KLRG1: variants seen among roughly 807,000 people sequenced by gnomAD.
The protein encoded by KLRG1 is killer cell lectin like receptor G1.
In KLRG1, 16 loss-of-function variants were observed where a neutral mutation model predicts 21.8. That is an observed-to-expected ratio of 0.73 (90% CI 0.50 to 1.11). The LOEUF is 1.11. KLRG1 is among the 50% of genes most tolerant of loss of function. The pLI, the probability that KLRG1 is intolerant of heterozygous loss-of-function variation, is 0.00. For missense variants in KLRG1, 173 were observed against 218.3 expected, an observed-to-expected ratio of 0.79 and a Z score of 1.31; for synonymous variants, 69 against 75.9, an observed-to-expected ratio of 0.91 and a Z score of 0.47.
At chr12:9,076,787 G>C in the KLRG1 span, 1 of 1,613,796 alleles carries the variant, frequency 6.2e-7, no homozygotes. Context: ...TAAGTGACTT[G>C]AGTACTTCCT....
At chr12:9,149,674 T>A in the KLRG1 span, 1 of 1,496,420 alleles carries the variant, frequency 6.7e-7, no homozygotes, top group Non-Finnish European at 9.2e-7. Flanking sequence ...ATCTGTCTAG[T>A]CACTTTACTA....
At chr12:8,957,080 C>G (rs776670436) in intron 1 of KLRG1, among the ~76,000 whole-genome samples, 2 of 152,306 alleles carry the variant, frequency 1.3e-5, no homozygotes, top group South Asian at 2.1e-4. Flanking sequence ...CTGTGGAACA[C>G]CACCAAAAAA....
chr12:9,181,345 G>C, the KLRG1 span, among the ~76,000 whole-genome samples: 1 of 152,152 alleles, frequency 6.6e-6, no homozygotes, highest in Non-Finnish European at 1.5e-5. Context: ...AACAACTCTA[G>C]AGACATAAAT....
At position 8,974,695 on chromosome 12, in the gene KLRG1, T is replaced by G. The variant is rs1592248686; in HGVS notation, c.-155-17511T>G. ...CATTGATTTGCTAGTGTTGAATCAT[T>G]CTTACAATCCAGGGATAAATTCCAC... is the stretch of plus-strand genomic sequence containing the variant. On this transcript the variant is annotated intron_variant, in intron 1 of 4. Coordinates refer to the KLRG1 transcript ENST00000539240. 3.3e-5 allele frequency among the ~76,000 whole-genome samples: 5 copies of G among 152,298 alleles called. No individual in the cohort carries two copies. In the East Asian group the frequency reaches 9.6e-4, roughly 29 times the overall value.
chr12:8,960,355 G>A (rs765329060), intron 1 of KLRG1, among the ~76,000 whole-genome samples: 9 of 152,202 alleles, frequency 5.9e-5, no homozygotes, highest in Non-Finnish European at 8.8e-5. Context: ...GATAACTACA[G>A]AGGAATCCTC....
the KLRG1 span, chr12:9,077,709 C>T: frequency 6.2e-7 from 1 of 1,613,986 alleles, no homozygotes; most frequent in Non-Finnish European, 8.5e-7. Flanking sequence ...ACCTTTATGG[C>T]ATTGTTGAGC....
chr12:8,950,863 G>A (rs1275687995), intron 1 of KLRG1, among the ~76,000 whole-genome samples: 1 of 151,960 alleles, frequency 6.6e-6, no homozygotes, highest in Non-Finnish European at 1.5e-5. Flanking sequence ...AAGTAACACC[G>A]TGGGTCCCAA....
chr12:9,108,404 G>A, the KLRG1 span, among the ~76,000 whole-genome samples: 2 of 152,172 alleles, frequency 1.3e-5, no homozygotes, highest in African/African-American at 4.8e-5. Flanking sequence ...GGGATTACAG[G>A]CGTGAGCCAC....
chr12:9,196,687 T>A, the KLRG1 span: 1 of 1,590,570 alleles, frequency 6.3e-7, no homozygotes, highest in Admixed American at 1.7e-5. Flanking sequence ...GCTGTTAAGC[T>A]GAGAAAAATA....
chr12:9,192,004 T>G, the KLRG1 span, among the ~76,000 whole-genome samples: 1 of 152,062 alleles, frequency 6.6e-6, no homozygotes, highest in Non-Finnish European at 1.5e-5. Flanking sequence ...TGATACAGAG[T>G]AGACAATCAC....
intron 1 of KLRG1, among the ~76,000 whole-genome samples, chr12:8,967,329 A>G (rs1372836528): frequency 6.6e-6 from 1 of 152,044 alleles, no homozygotes; most frequent in Non-Finnish European, 1.5e-5. Flanking sequence ...AAAACTTTAT[A>G]CTTTAAGTTT....
downstream of KLRG1, among the ~76,000 whole-genome samples, chr12:9,014,429 T>C (rs1947672257): frequency 6.6e-6 from 1 of 152,082 alleles, no homozygotes; most frequent in South Asian, 2.1e-4. Context: ...GTGGAAACCT[T>C]ACAGGTCAGG....
At chr12:9,000,398 A>T (rs1947270083) in intron 3 of KLRG1, among the ~76,000 whole-genome samples, 2 of 152,340 alleles carry the variant, frequency 1.3e-5, no homozygotes, top group South Asian at 4.1e-4. Flanking sequence ...TTAACTTAAA[A>T]AATTGTGGGA....
chr12:9,104,538 C>T, the KLRG1 span: 62 of 732,670 alleles, frequency 8.5e-5, no homozygotes, highest in African/African-American at 5.0e-4. Flanking sequence ...TGAAAAAAAA[C>T]GAAGTTTCTT....
the KLRG1 span, chr12:9,169,598 C>A: frequency 6.3e-7 from 1 of 1,586,812 alleles, no homozygotes; most frequent in African/African-American, 1.4e-5. Context: ...ATACCTGTAG[C>A]AGTGGGGGGA....
At chr12:9,161,232 G>T in the KLRG1 span, 1 of 815,550 alleles carries the variant, frequency 1.2e-6, no homozygotes, top group Non-Finnish European at 1.9e-6. Flanking sequence ...TACTGGCCCT[G>T]CTTTGTGACC....
At chr12:9,007,789 GAA>G (rs1947515859) in intron 3 of KLRG1, among the ~76,000 whole-genome samples, 1 of 152,096 alleles carries the variant, frequency 6.6e-6, no homozygotes, top group Admixed American at 6.5e-5. Flanking sequence ...AGATAAAAAA[GAA>G]TATTTTATTC....
At chr12:9,213,913 C>G in the KLRG1 span, among the ~76,000 whole-genome samples, 7 of 152,082 alleles carry the variant, frequency 4.6e-5, no homozygotes, top group South Asian at 1.5e-3. Context: ...AATCCAAGGT[C>G]CCAAGGATTT....
the KLRG1 span, chr12:9,095,092 G>A: frequency 5.5e-6 from 8 of 1,444,442 alleles, no homozygotes; most frequent in Admixed American, 9.4e-5. Flanking sequence ...GTCCTGCAAA[G>A]AAAATTATCA....
Sources: allele counts gnomAD v4.1 joint callset (sites outside exome capture counted in the v4.1 genomes callset), GRCh38; gene constraint gnomAD v4.1.1; transcripts MANE v1.5; gene names NCBI Gene and HGNC (gene_info 2026-07-23, HGNC 2026-07-21).